The following DNAAF11 variants were observed in gnomAD, a reference collection of about 807,000 sequenced individuals.
The protein encoded by DNAAF11 is dynein axonemal assembly factor 11.
A neutral mutation model predicts 60.8 loss-of-function variants in DNAAF11; 45 were observed. The observed-to-expected ratio is 0.74, with a 90% CI of 0.58 to 0.95. The LOEUF is 0.95. DNAAF11 is among the 40% of genes least tolerant of loss of function. DNAAF11 has a pLI of 0.00. For synonymous variants in DNAAF11, 191 were observed against 183.5 expected (o/e 1.04, Z -0.33); for missense variants, 546 against 546.2 (o/e 1.00, Z 0.00).
At chr8:132,593,991 G>C (rs1189179761) in intron 10 of DNAAF11, among the ~76,000 whole-genome samples, 2 of 151,940 alleles carry the variant, frequency 1.3e-5, no homozygotes, top group Non-Finnish European at 2.9e-5. Context: ...TCATAAATAG[G>C]AAAAAGGAAG....
At chr8:132,684,146 A>G in the DNAAF11 span, among the ~76,000 whole-genome samples, 1 of 152,170 alleles carries the variant, frequency 6.6e-6, no homozygotes, top group Non-Finnish European at 1.5e-5. Context: ...CACTTCCCTC[A>G]CTTCTGACAC....
chr8:132,688,280 C>G, the DNAAF11 span, among the ~76,000 whole-genome samples: 1 of 152,170 alleles, frequency 6.6e-6, no homozygotes, highest in South Asian at 2.1e-4. Context: ...ATCTAGACAT[C>G]TGGTTCCCTG....
intron 4 of DNAAF11, among the ~76,000 whole-genome samples, chr8:132,637,328 G>C (rs759317205): frequency 1.3e-5 from 2 of 152,198 alleles, no homozygotes; most frequent in Admixed American, 6.5e-5. Context: ...TGAACCTGCC[G>C]GGCACGGTGG....
intron 10 of DNAAF11, chr8:132,608,337 G>A (rs1046748394): frequency 1.3e-4 from 27 of 211,148 alleles, no homozygotes; most frequent in African/African-American, 2.3e-4. Context: ...TATTAATGAC[G>A]AAAATAGAAC....
intron 11 of DNAAF11, 149 bp from the exon 12 acceptor site, chr8:132,572,629 C>A: frequency 2.0e-6 from 1 of 497,452 alleles, no homozygotes. Context: ...TCCCTAGCAT[C>A]AAGAAGCTTA....
At chr8:132,616,685 A>G (rs1340950178) in intron 7 of DNAAF11, among the ~76,000 whole-genome samples, 1 of 152,166 alleles carries the variant, frequency 6.6e-6, no homozygotes, top group Non-Finnish European at 1.5e-5. Context: ...TGACTCTCTT[A>G]TATCCACCCA....
chr8:132,597,208 T>C (rs1817104214), intron 10 of DNAAF11, among the ~76,000 whole-genome samples: 1 of 152,170 alleles, frequency 6.6e-6, no homozygotes, highest in South Asian at 2.1e-4. Context: ...GATTCATGGA[T>C]ATAAAGAATA....
At chr8:132,625,707 T>G (rs1014711096) in intron 5 of DNAAF11, among the ~76,000 whole-genome samples, 16 of 152,168 alleles carry the variant, frequency 1.1e-4, no homozygotes, top group Non-Finnish European at 1.9e-4. Flanking sequence ...TCATCAGGAA[T>G]ATTGCTGTAA....
chr8:132,578,525 C>CA (rs1815000333), intron 11 of DNAAF11: 1 of 1,469,654 alleles, frequency 6.8e-7, no homozygotes, highest in African/African-American at 1.4e-5. Context: ...AGCTGGAAGA[C>CA]AAAATCAACA....
At chr8:132,644,872 G>A (rs1398978624) in intron 3 of DNAAF11, among the ~76,000 whole-genome samples, 5 of 152,198 alleles carry the variant, frequency 3.3e-5, no homozygotes, top group Non-Finnish European at 7.3e-5. Context: ...AGCTCAAGGA[G>A]GCCTGCCTGC....
At chr8:132,686,832 T>C in the DNAAF11 span, among the ~76,000 whole-genome samples, 1 of 152,198 alleles carries the variant, frequency 6.6e-6, no homozygotes, top group African/African-American at 2.4e-5. Flanking sequence ...TGAAGGTGTG[T>C]AAATAAAGAT....
chr8:132,668,770 T>C (rs1325129246), intron 1 of DNAAF11, among the ~76,000 whole-genome samples: 1 of 152,258 alleles, frequency 6.6e-6, no homozygotes, highest in Non-Finnish European at 1.5e-5. Context: ...TGTGAGTAGA[T>C]GTTTGTTAGA....
chr8:132,614,682 C>T (rs1232505193), intron 8 of DNAAF11, among the ~76,000 whole-genome samples: 1 of 152,138 alleles, frequency 6.6e-6, no homozygotes, highest in Non-Finnish European at 1.5e-5. Flanking sequence ...GGGAGCCGAT[C>T]ACCTGATACC....
intron 10 of DNAAF11, among the ~76,000 whole-genome samples, chr8:132,607,733 C>T (rs1341232133): frequency 6.6e-6 from 1 of 152,124 alleles, no homozygotes; most frequent in Non-Finnish European, 1.5e-5. Flanking sequence ...ATTCACTTGG[C>T]ATAATATGCA....
At chr8:132,583,351 A>G (rs1383480485) in intron 11 of DNAAF11, among the ~76,000 whole-genome samples, 2 of 152,170 alleles carry the variant, frequency 1.3e-5, no homozygotes, top group African/African-American at 4.8e-5. Flanking sequence ...AACTGAGCAT[A>G]AAAATTATGA....
intron 1 of DNAAF11, among the ~76,000 whole-genome samples, chr8:132,670,311 G>A (rs1470293887): frequency 1.3e-5 from 2 of 152,044 alleles, no homozygotes; most frequent in Non-Finnish European, 2.9e-5. Flanking sequence ...GAGTGAGAGA[G>A]GTAACATCAT....
intron 7 of DNAAF11, 34 bp from the exon 8 acceptor site, chr8:132,615,131 T>C: frequency 7.5e-7 from 1 of 1,328,246 alleles, no homozygotes; most frequent in South Asian, 1.2e-5. Flanking sequence ...AAAAAAGAGA[T>C]GTCTTTAGGA....
intron 3 of DNAAF11, among the ~76,000 whole-genome samples, chr8:132,649,178 C>T (rs527444787): frequency 0.041 from 6,207 of 152,168 alleles, 429 homozygotes; most frequent in African/African-American, 0.14. Flanking sequence ...AGATATAGAC[C>T]AATGGAACAC....
At chr8:132,644,914 T>G (rs1822221761) in intron 3 of DNAAF11, among the ~76,000 whole-genome samples, 1 of 152,184 alleles carries the variant, frequency 6.6e-6, no homozygotes, top group Non-Finnish European at 1.5e-5. Context: ...GGGCAGGGCA[T>G]AGTTGAACAA....
Sources: gnomAD v4.1 joint callset for allele counts (sites outside exome capture counted in the v4.1 genomes callset) on GRCh38, gnomAD v4.1.1 for gene constraint, MANE v1.5 for transcripts, NCBI Gene and HGNC (gene_info 2026-07-23, HGNC 2026-07-21) for gene names.